The following RBFOX1 variants were observed in gnomAD, a reference collection of about 807,000 sequenced individuals.
The protein encoded by RBFOX1 is RNA binding protein fox-1 homolog 1.
Under a neutral mutation model 57.7 loss-of-function variants are expected in RBFOX1, and 8 were observed. The ratio of observed to expected loss-of-function variants is 0.14; its 90% confidence interval spans 0.08 to 0.25. The LOEUF is 0.25. Ranked by LOEUF, RBFOX1 falls within the 10% of genes least tolerant of loss-of-function variation. The pLI, the probability that RBFOX1 is intolerant of heterozygous loss-of-function variation, is 1.00. For missense variants in RBFOX1, 611 were observed against 548.5 expected, an observed-to-expected ratio of 1.11 and a Z score of -1.14; for synonymous variants, 326 against 222.4, an observed-to-expected ratio of 1.47 and a Z score of -4.15.
At chr16:7,710,519 T>G in intron 15 of RBFOX1, 104 bp from the exon 16 acceptor site, 2 of 1,571,162 alleles carry the variant, frequency 1.3e-6, no homozygotes, top group Non-Finnish European at 1.7e-6. Flanking sequence ...TGCCTCCATT[T>G]CGGTTGGTTT....
At chr16:5,308,252 G>T (rs1407205575) in intron 1 of RBFOX1, among the ~76,000 whole-genome samples, 3 of 151,892 alleles carry the variant, frequency 2.0e-5, no homozygotes, top group Non-Finnish European at 2.9e-5. Context: ...GCTTGAACCT[G>T]GGAGGCAGAG....
chr16:5,856,989 A>G (rs907827776), intron 3 of RBFOX1, among the ~76,000 whole-genome samples: 10 of 152,156 alleles, frequency 6.6e-5, no homozygotes, highest in African/African-American at 2.4e-4. Context: ...TTGGGGGAAG[A>G]GGCCTAGCTT....
intron 4 of RBFOX1, chr16:5,867,476 G>T (rs2057370537): frequency 1.8e-6 from 1 of 562,616 alleles, no homozygotes; most frequent in Non-Finnish European, 2.6e-6. Context: ...TCAGTTGAGT[G>T]GTTTCTGTGC....
intron 3 of RBFOX1, among the ~76,000 whole-genome samples, chr16:6,957,108 A>ATTTT (rs2082010965): frequency 1.1e-4 from 14 of 128,200 alleles, no homozygotes; most frequent in African/African-American, 3.7e-4. Context: ...TTATTTTTTT[A>ATTTT]TTTTTATTTT....
chr16:6,805,788 T>G (rs867520302), intron 3 of RBFOX1, among the ~76,000 whole-genome samples: 1 of 152,318 alleles, frequency 6.6e-6, no homozygotes, highest in Middle Eastern at 3.4e-3. Context: ...ACCCAAGCCA[T>G]GTGGAGATTT....
At chr16:6,358,295 C>T (rs1047097821) in intron 2 of RBFOX1, among the ~76,000 whole-genome samples, 1 of 152,194 alleles carries the variant, frequency 6.6e-6, no homozygotes, top group Admixed American at 6.5e-5. Context: ...ACATGTTACC[C>T]CTCCTCCAAA....
At chr16:5,727,430 T>TATATATAC (rs1470265772) in intron 3 of RBFOX1, among the ~76,000 whole-genome samples, 1 of 152,218 alleles carries the variant, frequency 6.6e-6, no homozygotes, top group East Asian at 1.9e-4. Flanking sequence ...GTATATACTG[T>TATATATAC]GAAACGCTCA....
intron 15 of RBFOX1, chr16:7,709,756 TG>T (rs1443014265): frequency 2.7e-4 from 16 of 59,354 alleles, no homozygotes; most frequent in South Asian, 1.5e-3. Context: ...TGGGAGGGGG[TG>T]GGGGGAGGGT....
At chr16:6,370,497 G>C (rs1320483851) in intron 2 of RBFOX1, among the ~76,000 whole-genome samples, 2 of 151,100 alleles carry the variant, frequency 1.3e-5, no homozygotes, top group African/African-American at 4.9e-5. Context: ...AAAAAAGCAC[G>C]AGTCTTTTAA....
At chr16:6,838,008 CT>C (rs58455545) in intron 3 of RBFOX1, among the ~76,000 whole-genome samples, 61,000 of 148,354 alleles carry the variant, frequency 0.41, 14,227 homozygotes, top group East Asian at 0.71. Context: ...GTTACCACCC[CT>C]TTTTTTTTTT....
chr16:5,689,482 A>C (rs533783725), intron 3 of RBFOX1, among the ~76,000 whole-genome samples: 5 of 152,268 alleles, frequency 3.3e-5, no homozygotes, highest in African/African-American at 1.2e-4. Flanking sequence ...TTTCTGTGGA[A>C]TCCTAAAGAA....
At chr16:7,142,542 G>C (rs1348946870) in intron 4 of RBFOX1, among the ~76,000 whole-genome samples, 1 of 152,118 alleles carries the variant, frequency 6.6e-6, no homozygotes, top group Non-Finnish European at 1.5e-5. Context: ...TCTCCGCATG[G>C]CCGGCTCTTT....
chr16:6,027,618 G>T (rs1370880341), intron 1 of RBFOX1, among the ~76,000 whole-genome samples: 1 of 152,170 alleles, frequency 6.6e-6, no homozygotes, highest in East Asian at 1.9e-4. Flanking sequence ...AAAGTGCCTG[G>T]CACCTAGTGT....
intron 7 of RBFOX1, among the ~76,000 whole-genome samples, chr16:7,588,516 GA>G (rs2094255164): frequency 6.6e-6 from 1 of 152,196 alleles, no homozygotes; most frequent in African/African-American, 2.4e-5. Flanking sequence ...CAATAGCTCT[GA>G]CGGGTCTCCT....
At chr16:6,260,159 G>C (rs11077019) in intron 1 of RBFOX1, among the ~76,000 whole-genome samples, 22,122 of 152,066 alleles carry the variant, frequency 0.15, 2,503 homozygotes, top group African/African-American at 0.31. Flanking sequence ...TTGAGCTGAG[G>C]GAAAGTTCTC....
intron 2 of RBFOX1, among the ~76,000 whole-genome samples, chr16:6,571,416 A>G (rs545419050): frequency 5.9e-5 from 9 of 152,338 alleles, no homozygotes; most frequent in South Asian, 4.1e-4. Context: ...ACTGTGATCT[A>G]TGGCAGAGAC....
At chr16:7,000,775 T>G (rs2092720693) in intron 3 of RBFOX1, among the ~76,000 whole-genome samples, 1 of 152,018 alleles carries the variant, frequency 6.6e-6, no homozygotes, top group African/African-American at 2.4e-5. Context: ...TGGCTAACTT[T>G]CTATATTTTT....
intron 4 of RBFOX1, among the ~76,000 whole-genome samples, chr16:5,908,695 G>C (rs915767504): frequency 6.6e-6 from 1 of 152,060 alleles, no homozygotes; most frequent in Admixed American, 6.5e-5. Context: ...CAGACTCTTA[G>C]TTTCAATTCG....
At chr16:5,533,768 C>T (rs752410572) in intron 2 of RBFOX1, among the ~76,000 whole-genome samples, 1 of 152,192 alleles carries the variant, frequency 6.6e-6, no homozygotes, top group Admixed American at 6.5e-5. Context: ...AGCAAAGTGA[C>T]TGGCTCCCTG....
Sources: allele counts gnomAD v4.1 joint callset (sites outside exome capture counted in the v4.1 genomes callset), GRCh38; gene constraint gnomAD v4.1.1; transcripts MANE v1.5; gene names NCBI Gene and HGNC (gene_info 2026-07-23, HGNC 2026-07-21).